Variants in TASOR observed in about 807,000 individuals in gnomAD.
TASOR encodes transcription activation suppressor.
TASOR carries 53 observed loss-of-function variants against 178.6 expected under a neutral mutation model. That is an observed-to-expected ratio of 0.30 (90% CI 0.24 to 0.37). The LOEUF (loss-of-function observed/expected upper bound fraction) is 0.37. TASOR is among the 10% of genes least tolerant of loss of function. The pLI, the probability that TASOR is intolerant of heterozygous loss-of-function variation, is 1.00. For missense variants in TASOR, 1,815 were observed against 1,971.4 expected (o/e 0.92, Z 1.50); for synonymous variants, 713 against 696.2 (o/e 1.02, Z -0.38).
At chr3:56,649,126 C>A in intron 11 of TASOR, 69 bp from the exon 12 acceptor site, 1 of 1,128,968 alleles carries the variant, frequency 8.9e-7, no homozygotes, top group Non-Finnish European at 1.2e-6. Context: ...AGACACACAG[C>A]ATTTTCTACT....
chr3:56,623,583 A>G lies in TASOR; in HGVS notation c.4484-17T>C. On this transcript the variant is annotated splice_polypyrimidine_tract_variant and intron_variant, in intron 23 of 23. Coordinates refer to ENST00000683822, the MANE Select transcript of TASOR (RefSeq NM_001365635.2). ...CTAAAAGAGCTACATTTAAAAAACA[A>G]AAAGTCCTCCTCTATTGAAATACAC... The G allele has an allele frequency of 6.4e-7, 1 of 1,554,934 alleles. No individual in the cohort carries two copies. Among genetic ancestry groups the G allele is most frequent in the Non-Finnish European group, 8.6e-7 (1 of 1,160,414 alleles).
At position 56,623,082 on chromosome 3, in the gene TASOR, A is replaced by C. The variant is rs775435389; in HGVS notation, c.4968T>G (p.Ser1656Arg). The change falls in exon 24 of 24, where the codon AGT becomes AGG. Residue 1656 changes from serine to arginine, a missense_variant. Around this residue, in one of 5 missense-constraint regions of TASOR, gnomAD observed 278 missense variants for 257.1 expected, o/e 1.08. Coordinates refer to ENST00000683822, the MANE Select transcript of TASOR (RefSeq NM_001365635.2). ...GCCTGGAAGAATCACTTTTCCCCCA[A>C]CTTAAGGGAGGTGGAGATTTATCTC... is the stretch of plus-strand genomic sequence containing the variant. ...LDRDKSPPPL[S>R]WGKSDSSRPY... 8.1e-6 allele frequency: 13 copies of C among 1,605,298 alleles called. No homozygotes were observed. The highest frequency in any genetic ancestry group is 8.5e-6 in the Non-Finnish European group (10 of 1,176,218).
chr3:56,636,576 T>C lies in TASOR; in HGVS notation c.2824+2130A>G, dbSNP rs2077022030. Among the ~76,000 whole-genome samples the C allele has an allele frequency of 3.3e-5, 5 of 152,058 alleles. No individual in the cohort carries two copies. The South Asian group carries it at 1.0e-3, about 32-fold the overall frequency. On this transcript the variant is annotated intron_variant, in intron 17 of 23. Coordinates refer to ENST00000683822, the MANE Select transcript of TASOR (RefSeq NM_001365635.2). ...CAAGCCACCATGCTCAGCTAATTTT[T>C]TTATTTTTAGTAGACAGGGTTTTAC...
chr3:56,683,143 C>G lies in TASOR; in HGVS notation c.-137G>C, dbSNP rs960473665. 2 of 1,000,412 alleles carry G rather than the reference C, an allele frequency of 2.0e-6. No homozygotes were observed. Among genetic ancestry groups the G allele is most frequent in the Admixed American group, 5.9e-5 (2 of 34,136 alleles). The allele number at this position is 1,000,412 out of a possible 1,614,324, so 62.0% of individuals were successfully genotyped here. A position where few individuals can be genotyped will look rare whatever the true frequency, so the allele number is the denominator to read the frequency against. On this transcript the variant is annotated 5_prime_UTR_variant, in exon 1 of 24. Coordinates refer to ENST00000683822, the MANE Select transcript of TASOR (RefSeq NM_001365635.2). ...CTTCCCCCCGTGGCCTCAGGCTGCG[C>G]TCCCGACCTGGCAGCCTCTTGGGGG...
rs760660772 is a variant in TASOR at position 56,624,849 on chromosome 3, G to A, written c.4297C>T (p.Arg1433Ter). Residue 1433 changes from arginine (R) to a stop codon, truncating the protein, a stop_gained, in exon 22 of 24, where the codon CGA (arginine) becomes TGA (stop). Transcript: ENST00000683822. LOFTEE classifies it high-confidence loss of function. Reference sequence around the variant, plus strand: ...TTACCTGTTAAAAAGACTATGTGTCGTTGCTGTATGTTCTGAGCCTGAAGT... The same window carrying A: ...TTACCTGTTAAAAAGACTATGTGTCATTGCTGTATGTTCTGAGCCTGAAGT... ...IRLQAQNIQQ[R>*]HIVFLTEKNI... 3 of 1,614,020 alleles carry A rather than the reference G, an allele frequency of 1.9e-6. No individual in the cohort carries two copies. The highest frequency in any genetic ancestry group is 1.7e-5 in the Admixed American group (1 of 59,986).
At chr3:56,627,501 A>G in intron 20 of TASOR, 81 bp downstream of exon 20, 1 of 1,441,056 alleles carries the variant, frequency 6.9e-7, no homozygotes, top group Admixed American at 1.8e-5. Context: ...GTTATCTGTG[A>G]ATGGCAGAAT....
chr3:56,634,604 CACA>C (rs2076980483), intron 17 of TASOR, among the ~76,000 whole-genome samples: 1 of 152,154 alleles, frequency 6.6e-6, no homozygotes, highest in South Asian at 2.1e-4. Flanking sequence ...GAACATATTT[CACA>C]GCTGCACATT....
In TASOR at chr3:56,621,589, CAAG is replaced by C. The variant is rs756750339; in HGVS notation, c.*1445_*1447del. 35 of 1,599,394 alleles carry C rather than the reference CAAG, an allele frequency of 2.2e-5. No individual in the cohort carries two copies. Among genetic ancestry groups the C allele is most frequent in the Non-Finnish European group, 3.0e-5 (35 of 1,173,486 alleles). ...TAGTCTCCTGCCTTTAGCTGAAAAT[CAAG>C]AAGAGAGTTTTGGTTCTTCATTTTA... On this transcript the variant is annotated 3_prime_UTR_variant, in exon 24 of 24. Coordinates refer to ENST00000683822, the MANE Select transcript of TASOR (RefSeq NM_001365635.2).
Position 56,657,891 on chromosome 3 carries a change from T to C in TASOR, c.1368+2840A>G, listed in dbSNP as rs961517013. ...CCTTTTATAAGCAAATAGAAAGTAT[T>C]TGTCCCCATCTTTTACCTATGTAGT... On this transcript the variant is annotated intron_variant, in intron 11 of 23. Transcript: ENST00000683822. Among the ~76,000 whole-genome samples, 7 of 152,296 alleles carry C rather than the reference T, an allele frequency of 4.6e-5. 1 individual carries two copies. The highest frequency in any genetic ancestry group is 1.3e-4 in the Admixed American group (2 of 15,288).
At chr3:56,679,847 T>C (rs1375577591) in intron 1 of TASOR, among the ~76,000 whole-genome samples, 1 of 152,212 alleles carries the variant, frequency 6.6e-6, no homozygotes, top group Non-Finnish European at 1.5e-5. Flanking sequence ...GGTTAAATTC[T>C]ATAATTTGGT....
rs576433296 is a variant in TASOR at position 56,621,263 on chromosome 3, A to T, written c.*1774T>A. ...GGGGTGGACTGGGGGAGAAGGGATG[A>T]CTTCATTTACCCCCATAGTTATGGA... On this transcript the variant is annotated 3_prime_UTR_variant, in exon 24 of 24. Transcript: ENST00000683822. The T allele has an allele frequency of 3.9e-6, 1 of 257,980 alleles. No homozygotes were observed. Among genetic ancestry groups the T allele is most frequent in the African/African-American group, 2.2e-5 (1 of 44,966 alleles). 16.0% of individuals were successfully genotyped at this position (257,980 alleles called of 1,614,324 possible).
At chr3:56,681,552 C>T (rs538994833) in intron 1 of TASOR, among the ~76,000 whole-genome samples, 2 of 152,220 alleles carry the variant, frequency 1.3e-5, no homozygotes, top group Admixed American at 6.5e-5. Flanking sequence ...GCAAATGGAA[C>T]TGGTGATGCT....
rs531008472 is a variant in TASOR, at chr3:56,627,918, C to T, written c.3871-177G>A. 2.0e-3 allele frequency among the ~76,000 whole-genome samples: 302 copies of T among 152,226 alleles called. 12 individuals are homozygous for T. The South Asian group carries it at 0.058, about 29-fold the overall frequency. On this transcript the variant is annotated intron_variant, in intron 19 of 23. Transcript: ENST00000683822. The stretch of plus-strand genomic sequence containing the variant: ...CAACATTATTTCCCAATATATAAAC[C>T]AACATTTATGTACTGGGACCTACCA...
Position 56,669,810 on chromosome 3 carries a change from T to C in TASOR, c.644-19A>G. ...TAGACACCTAGAAAAGACGGAAAAA[T>C]TAAGGAAACTGATTATATTTTTCAA... is the stretch of plus-strand genomic sequence containing the variant. On this transcript the variant is annotated intron_variant, in intron 4 of 23. Coordinates refer to ENST00000683822, the MANE Select transcript of TASOR (RefSeq NM_001365635.2). 6.8e-7 allele frequency: 1 copy of C among 1,468,064 alleles called. No individual in the cohort carries two copies. The highest frequency in any genetic ancestry group is 9.2e-7 in the Non-Finnish European group (1 of 1,088,068). 90.9% of individuals were successfully genotyped at this position (1,468,064 alleles called of 1,614,324 possible). A position where few individuals can be genotyped will look rare whatever the true frequency, so the allele number is the denominator to read the frequency against.
intron 1 of TASOR, among the ~76,000 whole-genome samples, chr3:56,680,889 A>G (rs1159673432): frequency 6.6e-6 from 1 of 152,132 alleles, no homozygotes; most frequent in Non-Finnish European, 1.5e-5. Flanking sequence ...GACAACAGCT[A>G]GATTTATATT....
intron 7 of TASOR, among the ~76,000 whole-genome samples, chr3:56,665,497 C>T (rs1322249346): frequency 1.3e-5 from 2 of 152,056 alleles, no homozygotes; most frequent in East Asian, 2.0e-4. Flanking sequence ...GCTAGGACTA[C>T]AGGCACGTAC....
At chr3:56,651,604 GT>G (rs750110786) in intron 11 of TASOR, among the ~76,000 whole-genome samples, 41 of 152,014 alleles carry the variant, frequency 2.7e-4, no homozygotes, top group Non-Finnish European at 5.4e-4. Context: ...GAAAGCTAAG[GT>G]GGGAGAATTG....
intron 5 of TASOR, among the ~76,000 whole-genome samples, chr3:56,669,450 C>T (rs1354507983): frequency 6.6e-6 from 1 of 152,048 alleles, no homozygotes; most frequent in Non-Finnish European, 1.5e-5. Flanking sequence ...TTGCAGTGAG[C>T]CAAGATGGCG....
chr3:56,623,259 A>C lies in TASOR; in HGVS notation c.4791T>G (p.Val1597=), dbSNP rs1559809126. ...GGGACATATTTAATTGACTATGATAAACCTGAAAGTTACTATATGAATCTT... is the reference window on the plus strand; with the variant it reads ...GGGACATATTTAATTGACTATGATACACCTGAAAGTTACTATATGAATCTT... The part of the protein sequence containing the change: ...TEQDSYSNFQ[V]YHSQLNMSHQ... The change falls in exon 24 of 24, where the codon GTT becomes GTG. Residue 1597 remains valine, a synonymous_variant. Coordinates refer to ENST00000683822, the MANE Select transcript of TASOR (RefSeq NM_001365635.2). The C allele has an allele frequency of 6.2e-7, 1 of 1,613,538 alleles. No individual in the cohort carries two copies. The highest frequency in any genetic ancestry group is 8.5e-7 in the Non-Finnish European group (1 of 1,179,892).
Sources: gnomAD v4.1 joint callset for allele counts (sites outside exome capture counted in the v4.1 genomes callset) on GRCh38, gnomAD v4.1.1 for gene constraint, gnomAD v4.1.1 regional missense constraint, MANE v1.5 for transcripts, NCBI Gene and HGNC (gene_info 2026-07-23, HGNC 2026-07-21) for gene names.